Variants in FMN1 observed in about 807,000 individuals in gnomAD.
FMN1 encodes the protein formin-1.
FMN1 carries 110 observed loss-of-function variants against 132.4 expected under a neutral mutation model. The ratio of observed to expected loss-of-function variants is 0.83; its 90% CI spans 0.71 to 0.97. The LOEUF is 0.97. Among genes scored for constraint, FMN1 ranks in the 50% least tolerant of loss-of-function variants. FMN1 has a pLI of 0.00. For missense variants in FMN1, 1,792 were observed against 1,705.3 expected, an observed-to-expected ratio of 1.05 and a Z score of -0.90; for synonymous variants, 722 against 651.7, an observed-to-expected ratio of 1.11 and a Z score of -1.64.
At chr15:32,815,619 GAATA>G (rs1317682586) in intron 17 of FMN1, among the ~76,000 whole-genome samples, 9 of 152,190 alleles carry the variant, frequency 5.9e-5, no homozygotes, top group African/African-American at 2.2e-4. Context: ...ATAGGAGACT[GAATA>G]GATAGTGGAT....
At chr15:33,073,233 C>A (rs984781350) in intron 5 of FMN1, among the ~76,000 whole-genome samples, 2 of 152,142 alleles carry the variant, frequency 1.3e-5, no homozygotes, top group African/African-American at 4.8e-5. Context: ...CAAACAGGAT[C>A]GCATCTCACT....
At chr15:32,963,923 T>TCACACACA (rs35753530) in intron 9 of FMN1, among the ~76,000 whole-genome samples, 184 bp downstream of exon 9, 5 of 143,788 alleles carry the variant, frequency 3.5e-5, no homozygotes, top group Admixed American at 1.4e-4. Flanking sequence ...TTCCTATGAA[T>TCACACACA]CACACACACA....
At chr15:32,987,984 C>T (rs1230172403) in intron 7 of FMN1, among the ~76,000 whole-genome samples, 3 of 150,362 alleles carry the variant, frequency 2.0e-5, no homozygotes, top group Non-Finnish European at 2.9e-5. Flanking sequence ...GGTAGTGCCT[C>T]GTTGCAGGTT....
intron 16 of FMN1, among the ~76,000 whole-genome samples, chr15:32,868,833 T>A (rs1596131083): frequency 6.6e-6 from 1 of 152,114 alleles, no homozygotes; most frequent in Non-Finnish European, 1.5e-5. Context: ...CTGAGCTAAA[T>A]GTTGGGGACA....
rs576461204 is a variant in FMN1 at position 33,058,597 on chromosome 15, T to C, written c.2161+6360A>G. On this transcript the variant is annotated intron_variant, in intron 6 of 20. Transcript: ENST00000616417. ...ATGCTTCATAGCGTAAAAAATACCA[T>C]TCACTCCCTTCTTTGATTCCTATTT... Among the ~76,000 whole-genome samples, 137 of 152,264 alleles carry C rather than the reference T, an allele frequency of 9.0e-4. 1 individual carries two copies. Among genetic ancestry groups the C allele is most frequent in the Middle Eastern group, 3.4e-3 (1 of 294 alleles).
chr15:33,149,754 T>G lies in FMN1; in HGVS notation c.1867+3294A>C, dbSNP rs76280346. 1,869 of 980,192 alleles carry G rather than the reference T, an allele frequency of 1.9e-3. 13 individuals carry two copies. In the African/African-American group the frequency reaches 0.024, roughly 12 times the overall value. 60.7% of individuals were successfully genotyped at this position (980,192 alleles called of 1,614,324 possible). A position where few individuals can be genotyped will look rare whatever the true frequency, so the allele number is the denominator to read the frequency against. ...ACATACTTTCTGTAGTAACCTTAAA[T>G]GGCTGCATATGTCTATTAATGTCGT... On this transcript the variant is annotated intron_variant, in intron 4 of 20. Transcript: ENST00000616417.
At chr15:33,111,586 T>A (rs1449639091) in intron 4 of FMN1, among the ~76,000 whole-genome samples, 1 of 152,134 alleles carries the variant, frequency 6.6e-6, no homozygotes, top group Non-Finnish European at 1.5e-5. Context: ...AATGTTTGTC[T>A]ACTTATGAAT....
At chr15:33,150,075 G>A (rs2140274387) in intron 4 of FMN1, 1 of 985,434 alleles carries the variant, frequency 1.0e-6, no homozygotes, top group African/African-American at 1.7e-5. Context: ...AGTGACTTCA[G>A]TCAAAGGAAA....
chr15:32,893,876 G>C (rs1596203971), intron 15 of FMN1, among the ~76,000 whole-genome samples: 1 of 152,202 alleles, frequency 6.6e-6, no homozygotes, highest in African/African-American at 2.4e-5. Flanking sequence ...CAATGCATTT[G>C]ACTTGGTTGG....
intron 7 of FMN1, among the ~76,000 whole-genome samples, chr15:32,991,555 T>C (rs2033435812): frequency 6.6e-6 from 1 of 152,190 alleles, no homozygotes; most frequent in African/African-American, 2.4e-5. Flanking sequence ...CTCGTGTTCT[T>C]TCTCCTCTGC....
At position 33,070,991 on chromosome 15, in the gene FMN1, T is replaced by C. The variant is rs372249685; in HGVS notation, c.2044-5917A>G. Among the ~76,000 whole-genome samples the C allele has an allele frequency of 2.0e-4, 30 of 152,278 alleles. No individual in the cohort carries two copies. The South Asian group carries it at 6.0e-3, about 31-fold the overall frequency. ...TGCAGGCAGGCTCCAGCATCCACAC[T>C]CTCAACCACTCTTCGAAAGCCCAGA... On this transcript the variant is annotated intron_variant, in intron 5 of 20. Transcript: ENST00000616417.
At chr15:32,797,602 C>T (rs1281974653) in intron 19 of FMN1, among the ~76,000 whole-genome samples, 2 of 152,050 alleles carry the variant, frequency 1.3e-5, no homozygotes, top group Non-Finnish European at 2.9e-5. Context: ...GTACTTTTCT[C>T]TGCTTCAGTT....
Position 33,154,108 on chromosome 15 carries a change from A to G in FMN1, c.807T>C (p.Pro269=), listed in dbSNP as rs1197488542. The change falls in exon 4 of 21, where the codon CCT becomes CCC. Residue 269 remains proline, a synonymous_variant. Transcript: ENST00000616417. The part of the protein sequence containing the change: ...DTGLGREVLP[P]DCSSTEAGGD... ...CTCCTGCCTCTGTGGAGCTGCAGTC[A>G]GGGGGCAGCACTTCTCTTCCAAGCC... 2 of 1,536,132 alleles carry G rather than the reference A, an allele frequency of 1.3e-6. No homozygotes were observed. The highest frequency in any genetic ancestry group is 1.7e-6 in the Non-Finnish European group (2 of 1,146,958).
chr15:32,904,156 CT>C (rs1367993144), intron 12 of FMN1, among the ~76,000 whole-genome samples: 2 of 152,172 alleles, frequency 1.3e-5, no homozygotes, highest in Non-Finnish European at 2.9e-5. Context: ...TGAATGAGTG[CT>C]CTCGGTGATG....
intron 17 of FMN1, among the ~76,000 whole-genome samples, chr15:32,854,642 G>A (rs987507024): frequency 2.1e-4 from 32 of 152,202 alleles, no homozygotes; most frequent in Admixed American, 1.6e-3. Context: ...GCCGGGCACA[G>A]TGGCTCACGC....
chr15:33,012,317 G>A, intron 6 of FMN1: 2 of 788,814 alleles, frequency 2.5e-6, no homozygotes, highest in Non-Finnish European at 2.2e-6. Flanking sequence ...CACCGTGGAG[G>A]AGGCAGATGC....
intron 17 of FMN1, among the ~76,000 whole-genome samples, chr15:32,853,479 T>C (rs1250684383): frequency 1.3e-5 from 2 of 152,246 alleles, no homozygotes; most frequent in Non-Finnish European, 2.9e-5. Context: ...TACTATAAAC[T>C]GTATGACAAT....
rs114973798 is a variant in FMN1, at chr15:32,936,558, T to G, written c.3139-10297A>C. Reference sequence around the variant, plus strand: ...GTATAAGCTGTCCAGCTCCTTTTTGTTCTCATCTGCCCCCAAACATCTAGA... The same window carrying G: ...GTATAAGCTGTCCAGCTCCTTTTTGGTCTCATCTGCCCCCAAACATCTAGA... On this transcript the variant is annotated intron_variant, in intron 9 of 20. Transcript: ENST00000616417. Among the ~76,000 whole-genome samples the G allele has an allele frequency of 6.9e-3, 1,051 of 152,220 alleles. 6 individuals are homozygous for G. The highest frequency in any genetic ancestry group is 0.014 in the Middle Eastern group (4 of 294).
intron 19 of FMN1, among the ~76,000 whole-genome samples, chr15:32,781,824 A>G (rs1476131045): frequency 2.6e-5 from 4 of 152,188 alleles, no homozygotes; most frequent in African/African-American, 9.7e-5. Context: ...TGTTGCTATA[A>G]AAATTAAAGA....
Sources: gnomAD v4.1 joint callset for allele counts (sites outside exome capture counted in the v4.1 genomes callset) on GRCh38, gnomAD v4.1.1 for gene constraint, MANE v1.5 for transcripts, NCBI Gene and HGNC (gene_info 2026-07-23, HGNC 2026-07-21) for gene names.